TBCD: variants seen among roughly 807,000 people sequenced by gnomAD.
TBCD encodes tubulin-specific chaperone D.
In TBCD, 105 loss-of-function variants were observed where a neutral mutation model predicts 169.3. The ratio of observed to expected loss-of-function variants is 0.62; its 90% CI spans 0.53 to 0.73. TBCD has a LOEUF of 0.73. Among genes scored for constraint, TBCD ranks in the 30% least tolerant of loss-of-function variants. TBCD has a pLI of 0.00. For missense variants in TBCD, 1,444 were observed against 1,600.1 expected (o/e 0.90, Z 1.66); for synonymous variants, 700 against 643.9 (o/e 1.09, Z -1.32).
At chr17:82,774,031 AGT>A in intron 6 of TBCD, among the ~76,000 whole-genome samples, 1 of 136,586 alleles carries the variant, frequency 7.3e-6, no homozygotes, top group East Asian at 2.1e-4. Context: ...GCCTGGCCCG[AGT>A]GTGTCTTTTT....
chr17:82,901,085 G>GTGGCTCCACAGGTGGTTTCTGCGC (rs1485693653), intron 18 of TBCD, among the ~76,000 whole-genome samples: 8 of 152,250 alleles, frequency 5.3e-5, no homozygotes, highest in Admixed American at 1.3e-4. Context: ...TCTGCTCCAT[G>GTGGCTCCACAGGTGGTTTCTGCGC]TGGCTCCACA....
At position 82,752,264 on chromosome 17, in the gene TBCD, G is replaced by C; in HGVS notation, c.71G>C (p.Gly24Ala). 1 of 1,521,726 alleles carries C rather than the reference G, an allele frequency of 6.6e-7. No individual in the cohort carries two copies. The highest frequency in any genetic ancestry group is 1.4e-5 in the African/African-American group (1 of 69,738). The allele number at this position is 1,521,726 out of a possible 1,614,324, so 94.3% of individuals were successfully genotyped here. A position where few individuals can be genotyped will look rare whatever the true frequency, so the allele number is the denominator to read the frequency against. ...EEAEDETLAF[G>A]AALEAFGESA... ...GCGGAGGACGAGACACTGGCCTTTG[G>C]CGCGGCGCTGGAAGCGTTCGGCGAG... The change falls in exon 1 of 39, where the codon GGC becomes GCC. Residue 24 changes from glycine to alanine, a missense_variant. By Grantham distance (60) the Gly-to-Ala change is moderately conservative. Coordinates refer to ENST00000355528, the MANE Select transcript of TBCD (RefSeq NM_005993.5).
Position 82,832,213 on chromosome 17 carries a change from G to A in TBCD, c.1318+17279G>A, listed in dbSNP as rs1347015485. 2 of 1,614,256 alleles carry A rather than the reference G, an allele frequency of 1.2e-6. No individual in the cohort carries two copies. The highest frequency in any genetic ancestry group is 1.7e-6 in the Non-Finnish European group (2 of 1,180,048). Reference sequence around the variant, plus strand: ...CTTGGAAGAGGCTGGCTTCGCCGTGGCATCGGGCTGGTTGGTTTGCTTGGG... The same window carrying A: ...CTTGGAAGAGGCTGGCTTCGCCGTGACATCGGGCTGGTTGGTTTGCTTGGG... On this transcript the variant is annotated intron_variant, in intron 13 of 38. Coordinates refer to ENST00000355528, the MANE Select transcript of TBCD (RefSeq NM_005993.5). This position sits in a 1 kb window ranked among gnomAD's most constrained non-coding sequence, Gnocchi z 4.9.
At chr17:82,790,207 C>T (rs1174105364) in intron 7 of TBCD, among the ~76,000 whole-genome samples, 1 of 152,188 alleles carries the variant, frequency 6.6e-6, no homozygotes, top group Admixed American at 6.5e-5. Flanking sequence ...CCCCGACTAC[C>T]CTCCCGCCTC....
In TBCD at chr17:82,943,836, T is replaced by TCTC. The variant is rs970819448; in HGVS notation, c.*1382_*1384dup. ...TTTATTCCAACCTGTGTAATAGGGG[T>TCTC]CTCCTCCTCCTTGAACTGTCCCGAT... On this transcript the variant is annotated 3_prime_UTR_variant, in exon 39 of 39. Coordinates refer to ENST00000355528, the MANE Select transcript of TBCD (RefSeq NM_005993.5). The TCTC allele has an allele frequency of 6.6e-6, 1 of 152,232 alleles. No homozygotes were observed. The highest frequency in any genetic ancestry group is 2.4e-5 in the African/African-American group (1 of 41,442). The allele number at this position is 152,232 out of a possible 1,614,324, so 9.4% of individuals were successfully genotyped here.
rs374816624 is a variant in TBCD at position 82,818,838 on chromosome 17, G to A, written c.1318+3904G>A. ...TCCCAGCACTTTGGGAGGCCAAGGC[G>A]GGGGGATCACCTGAGGCCAGGAGTT... On this transcript the variant is annotated intron_variant, in intron 13 of 38. Transcript: ENST00000355528. Among the ~76,000 whole-genome samples the A allele has an allele frequency of 2.2e-3, 334 of 152,262 alleles. 1 individual carries two copies. Among genetic ancestry groups the A allele is most frequent in the African/African-American group, 7.7e-3 (320 of 41,544 alleles).
chr17:82,861,331 ACG>A (rs1305887032), intron 13 of TBCD, among the ~76,000 whole-genome samples: 4 of 9,576 alleles, frequency 4.2e-4, no homozygotes, highest in East Asian at 4.8e-3. Flanking sequence ...ATTCCACCTC[ACG>A]TCAGCCGCTG....
intron 21 of TBCD, among the ~76,000 whole-genome samples, chr17:82,908,081 G>C (rs532561128): frequency 6.6e-6 from 1 of 152,222 alleles, no homozygotes; most frequent in African/African-American, 2.4e-5. Flanking sequence ...TTCTGTGCAC[G>C]TAGCCAGCAT....
chr17:82,897,725 T>G (rs994314547), intron 17 of TBCD, among the ~76,000 whole-genome samples: 1 of 152,202 alleles, frequency 6.6e-6, no homozygotes. Flanking sequence ...CTCCTGTCGC[T>G]GGGGCTCCCC....
Position 82,903,831 on chromosome 17 carries a change from C to T in TBCD, c.1804+353C>T, listed in dbSNP as rs2060052069. ...GGCTCGCACCTGCCACACGACACTC[C>T]CTGGTCTCTAGGTGGCTCGCACCTG... On this transcript the variant is annotated intron_variant, in intron 19 of 38. Coordinates refer to ENST00000355528, the MANE Select transcript of TBCD (RefSeq NM_005993.5). The surrounding 1 kb of genome is among the most constrained non-coding windows in gnomAD (Gnocchi z 4.8). Among the ~76,000 whole-genome samples the T allele has an allele frequency of 1.1e-5, 1 of 88,502 alleles. No individual in the cohort carries two copies. The highest frequency in any genetic ancestry group is 4.7e-5 in the African/African-American group (1 of 21,314). The allele number at this position is 88,502 out of a possible 152,430, so 58.1% of individuals were successfully genotyped here. A position where few individuals can be genotyped will look rare whatever the true frequency, so the allele number is the denominator to read the frequency against.
At chr17:82,911,322 C>T (rs1187943124) in intron 22 of TBCD, among the ~76,000 whole-genome samples, 1 of 151,702 alleles carries the variant, frequency 6.6e-6, no homozygotes, top group African/African-American at 2.4e-5. Flanking sequence ...CCGCTGTCAG[C>T]GCCAGGGCTG....
rs781672861 is a variant in TBCD, at chr17:82,903,400, C to T, written c.1731-5C>T. On this transcript the variant is annotated splice_polypyrimidine_tract_variant and splice_region_variant and intron_variant, in intron 18 of 38. Coordinates refer to ENST00000355528, the MANE Select transcript of TBCD (RefSeq NM_005993.5). This position sits in a 1 kb window ranked among gnomAD's most constrained non-coding sequence, Gnocchi z 4.8. Reference sequence around the variant, plus strand: ...GCACTTACGACATTCTCTCCTCACTCTCAGGGTCATCCGAGAGTTGGCTGC... The same window carrying T: ...GCACTTACGACATTCTCTCCTCACTTTCAGGGTCATCCGAGAGTTGGCTGC... 7 of 1,600,092 alleles carry T rather than the reference C, an allele frequency of 4.4e-6. No individual in the cohort carries two copies. The highest frequency in any genetic ancestry group is 5.1e-6 in the Non-Finnish European group (6 of 1,173,434).
intron 13 of TBCD, chr17:82,830,276 A>G: frequency 6.2e-7 from 1 of 1,614,184 alleles, no homozygotes; most frequent in Non-Finnish European, 8.5e-7. Flanking sequence ...CTGAGGTCAC[A>G]CTGGGCCTCT....
intron 13 of TBCD, among the ~76,000 whole-genome samples, chr17:82,846,931 C>T (rs1367548914): frequency 1.3e-5 from 2 of 152,196 alleles, no homozygotes; most frequent in African/African-American, 4.8e-5. Flanking sequence ...CCCAGCTGCA[C>T]CCCCGGGGTC....
chr17:82,855,993 C>CCCTTTT (rs373747821), intron 13 of TBCD, among the ~76,000 whole-genome samples: 1 of 66,268 alleles, frequency 1.5e-5, no homozygotes, highest in African/African-American at 7.0e-5. Context: ...TCCCCCCCCA[C>CCCTTTT]TTTTTTTTTT....
chr17:82,904,782 T>C (rs2060120785), intron 19 of TBCD, among the ~76,000 whole-genome samples: 1 of 152,158 alleles, frequency 6.6e-6, no homozygotes, highest in African/African-American at 2.4e-5. Context: ...AGCTTCGTGA[T>C]CTGTTAATGA....
intron 11 of TBCD, among the ~76,000 whole-genome samples, chr17:82,808,167 A>C (rs2051120751): frequency 6.6e-6 from 1 of 152,138 alleles, no homozygotes; most frequent in African/African-American, 2.4e-5. Flanking sequence ...GGCCTTGAAC[A>C]CAACAGGTGG....
At chr17:82,780,645 C>CTTTTTTTTT (rs36145167) in intron 6 of TBCD, among the ~76,000 whole-genome samples, 2 of 104,720 alleles carry the variant, frequency 1.9e-5, no homozygotes, top group African/African-American at 3.7e-5. Context: ...AAGACTTGGG[C>CTTTTTTTTT]TTTTTTTTTT....
chr17:82,899,323 G>GCA (rs1567988803), intron 17 of TBCD, among the ~76,000 whole-genome samples: 1 of 150,482 alleles, frequency 6.6e-6, no homozygotes, highest in East Asian at 2.0e-4. Context: ...TCCTCAGCGC[G>GCA]CGCGTCCTCA....
Sources: allele counts gnomAD v4.1 joint callset (sites outside exome capture counted in the v4.1 genomes callset), GRCh38; gene constraint gnomAD v4.1.1; non-coding constraint Gnocchi (gnomAD v3.1); transcripts MANE v1.5; gene names NCBI Gene and HGNC (gene_info 2026-07-23, HGNC 2026-07-21).